The following PRR16 variants were observed in gnomAD, a reference collection of about 807,000 sequenced individuals.
PRR16 encodes protein Largen.
In PRR16, 6 loss-of-function variants were observed where a neutral mutation model predicts 18.2. The observed-to-expected ratio is 0.33, with a 90% CI of 0.18 to 0.65. PRR16 has a LOEUF of 0.65. Ranked by LOEUF, PRR16 falls within the 30% of genes least tolerant of loss-of-function variation. The probability of loss-of-function intolerance (pLI) is 0.74; values close to 1 mark genes in which losing one functional copy is unlikely to be tolerated. For synonymous variants in PRR16, 151 were observed against 147.8 expected (o/e 1.02, Z -0.16); for missense variants, 412 against 376.6 (o/e 1.09, Z -0.78).
intron 1 of PRR16, among the ~76,000 whole-genome samples, chr5:120,484,879 G>T (rs961236140): frequency 1.3e-5 from 2 of 151,188 alleles, no homozygotes. Context: ...CTGTTTTAAA[G>T]AGTATACATA....
chr5:120,658,798 C>T (rs1020474), intron 1 of PRR16, among the ~76,000 whole-genome samples: 149,163 of 152,074 alleles, frequency 0.98, 73,214 homozygotes, highest in East Asian at 1. Flanking sequence ...TAAAAATTAA[C>T]ACTTTTTAAA....
At chr5:120,522,048 C>T (rs1751200101) in intron 1 of PRR16, among the ~76,000 whole-genome samples, 1 of 152,210 alleles carries the variant, frequency 6.6e-6, no homozygotes, top group South Asian at 2.1e-4. Context: ...ATATGTGCCA[C>T]ATTTTCTTAA....
chr5:120,700,178 C>T, the PRR16 span, among the ~76,000 whole-genome samples: 23 of 152,164 alleles, frequency 1.5e-4, no homozygotes, highest in East Asian at 9.7e-4. Flanking sequence ...GTTGATAAGG[C>T]GCAGATCCTG....
rs550393044 is a variant in PRR16 at position 120,608,900 on chromosome 5, A to G, written c.160-77054A>G. Among the ~76,000 whole-genome samples, 11 of 152,226 alleles carry G rather than the reference A, an allele frequency of 7.2e-5. No individual in the cohort carries two copies. In the South Asian group the frequency reaches 2.3e-3, roughly 32 times the overall value. On this transcript the variant is annotated intron_variant, in intron 1 of 1. Coordinates refer to ENST00000407149, the MANE Select transcript of PRR16 (RefSeq NM_001300783.2). Reference sequence around the variant, plus strand: ...TCATTTCCTTTATACTTCGGTCTTCATTTCCTTTATACTTCTTTCAGAATC... The same window carrying G: ...TCATTTCCTTTATACTTCGGTCTTCGTTTCCTTTATACTTCTTTCAGAATC...
At chr5:120,714,292 G>A in the PRR16 span, among the ~76,000 whole-genome samples, 1 of 152,024 alleles carries the variant, frequency 6.6e-6, no homozygotes, top group Non-Finnish European at 1.5e-5. Context: ...TTCTGATAAA[G>A]AAGGTATTGT....
the PRR16 span, among the ~76,000 whole-genome samples, chr5:120,715,795 A>T: frequency 6.6e-6 from 1 of 152,202 alleles, no homozygotes; most frequent in South Asian, 2.1e-4. Flanking sequence ...CCTTCCCAAC[A>T]TCATCTCAGA....
At chr5:120,492,255 A>AGT (rs3991307) in intron 1 of PRR16, among the ~76,000 whole-genome samples, 4,016 of 138,020 alleles carry the variant, frequency 0.029, 85 homozygotes, top group African/African-American at 0.066. Context: ...CGCTAATTTG[A>AGT]GTGTGTGTGT....
the PRR16 span, among the ~76,000 whole-genome samples, chr5:120,699,996 T>C: frequency 3.9e-5 from 6 of 152,086 alleles, no homozygotes; most frequent in Non-Finnish European, 8.8e-5. Flanking sequence ...GCTTGATGGG[T>C]GTCAGGGTCA....
intron 1 of PRR16, among the ~76,000 whole-genome samples, chr5:120,582,068 A>G (rs982919457): frequency 2.0e-5 from 3 of 152,204 alleles, no homozygotes; most frequent in African/African-American, 7.2e-5. Flanking sequence ...GTATACATCA[A>G]CAGTTGACTG....
intron 1 of PRR16, among the ~76,000 whole-genome samples, chr5:120,604,957 C>T (rs1443499199): frequency 6.6e-6 from 1 of 152,116 alleles, no homozygotes; most frequent in East Asian, 1.9e-4. Context: ...CTGTCGCTGC[C>T]TTTAAGATTT....
At chr5:120,735,297 A>C in the PRR16 span, among the ~76,000 whole-genome samples, 2 of 152,152 alleles carry the variant, frequency 1.3e-5, no homozygotes, top group Non-Finnish European at 2.9e-5. Flanking sequence ...CCTCTTGGCT[A>C]TTGTGAGTAA....
the PRR16 span, among the ~76,000 whole-genome samples, chr5:120,712,590 A>G: frequency 6.6e-6 from 1 of 152,152 alleles, no homozygotes; most frequent in Non-Finnish European, 1.5e-5. Flanking sequence ...TTAATATTCA[A>G]AATATATAAC....
At position 120,648,110 on chromosome 5, in the gene PRR16, A is replaced by G. The variant is rs140826233; in HGVS notation, c.160-37844A>G. On this transcript the variant is annotated intron_variant, in intron 1 of 1. Transcript: ENST00000407149. ...ATATAGAACTTCTCTGAGTATTAATATGCTAATTTCCAATGTAAATATACA... is the reference window on the plus strand; with the variant it reads ...ATATAGAACTTCTCTGAGTATTAATGTGCTAATTTCCAATGTAAATATACA... Among the ~76,000 whole-genome samples the G allele has an allele frequency of 4.7e-4, 71 of 152,262 alleles. No individual in the cohort carries two copies. In the East Asian group the frequency reaches 0.011, roughly 24 times the overall value.
Position 120,464,323 on chromosome 5 carries a change from G to T in PRR16, c.-164G>T. 4.5e-6 allele frequency: 3 copies of T among 667,278 alleles called. No homozygotes were observed. The highest frequency in any genetic ancestry group is 6.4e-5 in the South Asian group (2 of 31,496). 41.3% of individuals were successfully genotyped at this position (667,278 alleles called of 1,614,324 possible). On this transcript the variant is annotated 5_prime_UTR_variant, in exon 1 of 2. Transcript: ENST00000407149. ...GGAGTTGATGGCAGCACCACTGTGC[G>T]GCCGCCCGGCCGAGCGCGGAGCGCA...
At chr5:120,505,281 C>G (rs1215884760) in intron 1 of PRR16, among the ~76,000 whole-genome samples, 1 of 152,142 alleles carries the variant, frequency 6.6e-6, no homozygotes, top group Non-Finnish European at 1.5e-5. Context: ...GAAACAATTT[C>G]TAATGCATTT....
the PRR16 span, among the ~76,000 whole-genome samples, chr5:120,730,709 G>A: frequency 6.6e-6 from 1 of 152,140 alleles, no homozygotes; most frequent in Non-Finnish European, 1.5e-5. Context: ...CCATGAGCAT[G>A]TTGAGTTTAA....
the PRR16 span, among the ~76,000 whole-genome samples, chr5:120,744,783 C>G: frequency 2.0e-5 from 3 of 152,050 alleles, no homozygotes. Context: ...GTCATCTTTT[C>G]TCAAAGCTAT....
At chr5:120,527,799 G>T (rs986600670) in intron 1 of PRR16, among the ~76,000 whole-genome samples, 2 of 152,182 alleles carry the variant, frequency 1.3e-5, no homozygotes, top group Non-Finnish European at 2.9e-5. Context: ...TAGCAGAAGG[G>T]AGAGAATACA....
chr5:120,595,104 A>G (rs1753757894), intron 1 of PRR16, among the ~76,000 whole-genome samples: 1 of 152,160 alleles, frequency 6.6e-6, no homozygotes, highest in African/African-American at 2.4e-5. Flanking sequence ...AAAAGCAAAA[A>G]TTGACAAATG....
Sources: allele counts gnomAD v4.1 joint callset (sites outside exome capture counted in the v4.1 genomes callset), GRCh38; gene constraint gnomAD v4.1.1; transcripts MANE v1.5; gene names NCBI Gene and HGNC (gene_info 2026-07-23, HGNC 2026-07-21).